AKAP3: variants seen among roughly 807,000 people sequenced by gnomAD.
AKAP3 encodes A-kinase anchoring protein 3.
AKAP3 carries 27 observed loss-of-function variants against 57.2 expected under a neutral mutation model. The ratio of observed to expected loss-of-function variants is 0.47; its 90% CI spans 0.35 to 0.65. The LOEUF (loss-of-function observed/expected upper bound fraction) is 0.65, where lower values mean the gene tolerates loss of function less well. Ranked by LOEUF, AKAP3 falls within the 30% of genes least tolerant of loss-of-function variation. The pLI is 0.01. For missense variants in AKAP3, 959 were observed against 1,040.0 expected (o/e 0.92, Z 1.07); for synonymous variants, 334 against 392.3 (o/e 0.85, Z 1.76).
rs1017472614 is a variant in AKAP3, at chr12:4,627,913, A to G, written c.989T>C (p.Val330Ala). 1.2e-6 allele frequency: 2 copies of G among 1,613,982 alleles called. No individual in the cohort carries two copies. ...CAAGAAGGAGTCGATGAGATCCGAG[A>G]CCACCTCTTTTGCATGCTTGAGCAG... ...KVLLKHAKEV[V>A]SDLIDSFLRN... The change falls in exon 5 of 6, where the codon GTC (valine) becomes GCC (alanine). Residue 330 changes from valine (V) to alanine (A), a missense_variant. Coordinates refer to ENST00000228850, the MANE Select transcript of AKAP3 (RefSeq NM_001278309.2).
chr12:4,631,624 T>C (rs914897238), intron 4 of AKAP3, among the ~76,000 whole-genome samples: 42 of 152,256 alleles, frequency 2.8e-4, no homozygotes, highest in Non-Finnish European at 4.7e-4. Context: ...AACACACACG[T>C]AAATTACATA....
At chr12:4,630,033 T>C (rs1945478022) in intron 4 of AKAP3, among the ~76,000 whole-genome samples, 1 of 152,200 alleles carries the variant, frequency 6.6e-6, no homozygotes. Context: ...AAACACAGGA[T>C]AAAATAACAT....
chr12:4,648,950 T>G lies in AKAP3; in HGVS notation c.-450A>C. The G allele has an allele frequency of 1.5e-6, 1 of 672,672 alleles. No individual in the cohort carries two copies. The highest frequency in any genetic ancestry group is 2.0e-5 in the South Asian group (1 of 50,976). 41.7% of individuals were successfully genotyped at this position (672,672 alleles called of 1,614,324 possible). A position where few individuals can be genotyped will look rare whatever the true frequency, so the allele number is the denominator to read the frequency against. ...TGAGATTCCAACAGCCAAAGTCTTT[T>G]CACTTCCTTTCTTCCCCCTCTCCTT... On this transcript the variant is annotated 5_prime_UTR_variant, in exon 1 of 6. Coordinates refer to ENST00000228850, the MANE Select transcript of AKAP3 (RefSeq NM_001278309.2).
intron 4 of AKAP3, among the ~76,000 whole-genome samples, chr12:4,632,409 TAGAA>T (rs1945509767): frequency 6.6e-6 from 1 of 152,308 alleles, no homozygotes; most frequent in African/African-American, 2.4e-5. Flanking sequence ...TTTTGTGATA[TAGAA>T]AGAGTGTATA....
Position 4,635,636 on chromosome 12 carries a change from A to C in AKAP3, c.96+2465T>G, listed in dbSNP as rs530192478. 6 of 782,728 alleles carry C rather than the reference A, an allele frequency of 7.7e-6. No homozygotes were observed. The South Asian group carries it at 8.7e-5, about 11-fold the overall frequency. 48.5% of individuals were successfully genotyped at this position (782,728 alleles called of 1,614,324 possible). A position where few individuals can be genotyped will look rare whatever the true frequency, so the allele number is the denominator to read the frequency against. ...AATATCAGGACATGCTTGCCTCTGA[A>C]GTTCTTTAACCCAATTTTTTGCTCT... On this transcript the variant is annotated intron_variant, in intron 4 of 5. Coordinates refer to ENST00000228850, the MANE Select transcript of AKAP3 (RefSeq NM_001278309.2).
chr12:4,624,528 A>G (rs1945386905), intron 5 of AKAP3, among the ~76,000 whole-genome samples: 1 of 152,122 alleles, frequency 6.6e-6, no homozygotes, highest in Non-Finnish European at 1.5e-5. Flanking sequence ...TTCAAAAATA[A>G]ATACAAATGT....
chr12:4,627,351 C>T lies in AKAP3; in HGVS notation c.1551G>A (p.Met517Ile), dbSNP rs376352458. The T allele has an allele frequency of 2.5e-6, 4 of 1,613,964 alleles. No homozygotes were observed. Among genetic ancestry groups the T allele is most frequent in the Non-Finnish European group, 3.4e-6 (4 of 1,180,018 alleles). The change falls in exon 5 of 6, where the codon ATG (methionine) becomes ATA (isoleucine). Residue 517 changes from methionine (M) to isoleucine (I), a missense_variant. Met to Ile is a conservative substitution (Grantham distance 10, BLOSUM62 1). Coordinates refer to ENST00000228850, the MANE Select transcript of AKAP3 (RefSeq NM_001278309.2). ...CCTCGGCCCAGGAGTCTGAATCATA[C>T]ATAAAATTCTCAGGTTTCTCTGGAG... ...PYPPEKPENF[M>I]YDSDSWAEDL...
In AKAP3 at chr12:4,625,651, C is replaced by T. The variant is rs116189402; in HGVS notation, c.2406+845G>A. Among the ~76,000 whole-genome samples, 149 of 151,754 alleles carry T rather than the reference C, an allele frequency of 9.8e-4. No individual in the cohort carries two copies. The highest frequency in any genetic ancestry group is 3.3e-3 in the African/African-American group (138 of 41,300). ...TTAACAGCAGTTGGTCCACTTTTCT[C>T]AATCAAGAGGAGACAATCAAAAGCA... On this transcript the variant is annotated intron_variant, in intron 5 of 5. Transcript: ENST00000228850. The surrounding 1 kb of genome is among the most constrained non-coding windows in gnomAD (Gnocchi z 5.4).
At position 4,636,897 on chromosome 12, in the gene AKAP3, G is replaced by C. The variant is rs138416212; in HGVS notation, c.96+1204C>G. Among the ~76,000 whole-genome samples, 15 of 152,214 alleles carry C rather than the reference G, an allele frequency of 9.9e-5. 1 individual carries two copies. Among genetic ancestry groups the C allele is most frequent in the African/African-American group, 3.6e-4 (15 of 41,534 alleles). ...CTCAAGTTGCTGTGACTACAGACGT[G>C]TGCAACCACTCTGGCTAATTCTTTT... On this transcript the variant is annotated intron_variant, in intron 4 of 5. Transcript: ENST00000228850.
chr12:4,623,852 T>C (rs113314027), intron 5 of AKAP3, among the ~76,000 whole-genome samples: 32 of 152,314 alleles, frequency 2.1e-4, no homozygotes, highest in African/African-American at 6.5e-4. Flanking sequence ...TTATTCCTAA[T>C]AAGACAAAAA....
At position 4,639,583 on chromosome 12, in the gene AKAP3, C is replaced by G. The variant is rs374447241; in HGVS notation, c.1-1387G>C. On this transcript the variant is annotated intron_variant, in intron 3 of 5. Transcript: ENST00000228850. ...TAATGCTGTCCCTCCCCCATCCCCC[C>G]ACCCCACAACAGGCCCCGGTGTGTG... Among the ~76,000 whole-genome samples the G allele has an allele frequency of 2.0e-5, 3 of 151,320 alleles. No individual in the cohort carries two copies. The East Asian group carries it at 5.8e-4, about 29-fold the overall frequency.
intron 5 of AKAP3, 75 bp from the exon 6 acceptor site, chr12:4,615,969 G>C (rs1461037757): frequency 1.3e-6 from 2 of 1,563,798 alleles, no homozygotes; most frequent in Admixed American, 1.8e-5. Flanking sequence ...GCCAAGGCTG[G>C]AGCAGAGAGG....
chr12:4,639,849 C>G (rs189529646), intron 3 of AKAP3, among the ~76,000 whole-genome samples: 166 of 143,144 alleles, frequency 1.2e-3, no homozygotes, highest in African/African-American at 4.2e-3. Flanking sequence ...CAGAGTCTCG[C>G]TCTTTCGCCC....
At chr12:4,629,121 T>C (rs1032793288) in intron 4 of AKAP3, among the ~76,000 whole-genome samples, 83 of 152,352 alleles carry the variant, frequency 5.4e-4, no homozygotes, top group African/African-American at 1.8e-3. Context: ...AGCTAACCAT[T>C]GATGGAGCAG....
In AKAP3 at chr12:4,648,970, C is replaced by CTCCT. The variant is rs1945734682; in HGVS notation, c.-474_-471dup. 5 of 773,528 alleles carry CTCCT rather than the reference C, an allele frequency of 6.5e-6. No individual in the cohort carries two copies. Among genetic ancestry groups the CTCCT allele is most frequent in the African/African-American group, 1.8e-5 (1 of 57,118 alleles). 47.9% of individuals were successfully genotyped at this position (773,528 alleles called of 1,614,324 possible). A position where few individuals can be genotyped will look rare whatever the true frequency, so the allele number is the denominator to read the frequency against. On this transcript the variant is annotated 5_prime_UTR_variant, in exon 1 of 6. Transcript: ENST00000228850. ...TCTTTTCACTTCCTTTCTTCCCCCT[C>CTCCT]TCCTTCACTTTCCCAGCTTTCTTCT... is the stretch of plus-strand genomic sequence containing the variant.
Position 4,615,661 on chromosome 12 carries a change from G to A in AKAP3, c.*78C>T. On this transcript the variant is annotated 3_prime_UTR_variant, in exon 6 of 6. Coordinates refer to ENST00000228850, the MANE Select transcript of AKAP3 (RefSeq NM_001278309.2). ...GGCTCTGTGAGGATATAGAGGGGGA[G>A]ATGTGGAAGTGAGAAAGAAGGGCGG... is the stretch of plus-strand genomic sequence containing the variant. 6.6e-7 allele frequency: 1 copy of A among 1,512,722 alleles called. No homozygotes were observed. The highest frequency in any genetic ancestry group is 9.0e-7 in the Non-Finnish European group (1 of 1,110,010). 93.7% of individuals were successfully genotyped at this position (1,512,722 alleles called of 1,614,324 possible).
At chr12:4,633,399 A>T (rs1348065315) in intron 4 of AKAP3, among the ~76,000 whole-genome samples, 1 of 152,210 alleles carries the variant, frequency 6.6e-6, no homozygotes, top group East Asian at 1.9e-4. Flanking sequence ...TAATGTCTAT[A>T]TATTTTTAAA....
chr12:4,644,261 C>T (rs1290773084), intron 2 of AKAP3, among the ~76,000 whole-genome samples: 1 of 152,122 alleles, frequency 6.6e-6, no homozygotes, highest in Non-Finnish European at 1.5e-5. Flanking sequence ...ATATCCTGCC[C>T]TTTCCCAGTT....
Position 4,628,653 on chromosome 12 carries a change from T to C in AKAP3, c.249A>G (p.Val83=). Residue 83 remains valine (V), a synonymous_variant, in exon 5 of 6, where the codon GTA becomes GTG. Coordinates refer to ENST00000228850, the MANE Select transcript of AKAP3 (RefSeq NM_001278309.2). The part of the protein sequence containing the change: ...NSGDPHKGFS[V]DYYNTTTKGT... ...CCTTGGTGGTGGTGTTGTAATAGTC[T>C]ACAGAGAAACCTTTGTGTGGGTCTC... The C allele has an allele frequency of 6.2e-7, 1 of 1,614,224 alleles. No individual in the cohort carries two copies. Among genetic ancestry groups the C allele is most frequent in the South Asian group, 1.1e-5 (1 of 91,086 alleles).
Sources: allele counts gnomAD v4.1 joint callset (sites outside exome capture counted in the v4.1 genomes callset), GRCh38; gene constraint gnomAD v4.1.1; non-coding constraint Gnocchi (gnomAD v3.1); transcripts MANE v1.5; gene names NCBI Gene and HGNC (gene_info 2026-07-23, HGNC 2026-07-21).